DUS2: variants seen among roughly 807,000 people sequenced by gnomAD.
The protein encoded by DUS2 is dihydrouridine synthase 2, also known as tRNA-dihydrouridine(20) synthase [NAD(P)+]-like.
In DUS2, 52 loss-of-function variants were observed where a neutral mutation model predicts 71.3. The observed-to-expected ratio is 0.73, with a 90% CI of 0.58 to 0.92. DUS2 has a LOEUF of 0.92. Ranked by LOEUF, DUS2 falls within the 40% of genes least tolerant of loss-of-function variation. The probability of loss-of-function intolerance (pLI) is 0.00; values close to 1 mark genes in which losing one functional copy is unlikely to be tolerated. For synonymous variants in DUS2, 204 were observed against 227.8 expected (o/e 0.90, Z 0.94); for missense variants, 558 against 622.6 (o/e 0.90, Z 1.10).
At chr16:68,078,674 C>A in intron 16 of DUS2, 75 bp from the exon 17 acceptor site, 1 of 1,528,670 alleles carries the variant, frequency 6.5e-7, no homozygotes. Flanking sequence ...TTGTCAGAAT[C>A]TGCCAAGGAT....
intron 3 of DUS2, 23 bp from the exon 4 acceptor site, chr16:68,049,482 A>G (rs1256650254): frequency 5.6e-6 from 9 of 1,613,698 alleles, no homozygotes; most frequent in Non-Finnish European, 7.6e-6. Context: ...AGGAATGACA[A>G]GCGTCCTCTG....
At chr16:68,050,472 T>TA (rs1476877081) in intron 4 of DUS2, among the ~76,000 whole-genome samples, 2 of 152,138 alleles carry the variant, frequency 1.3e-5, no homozygotes, top group African/African-American at 2.4e-5. Flanking sequence ...TTCTGTGTGA[T>TA]AAAAAATTCA....
At position 68,078,628 on chromosome 16, in the gene DUS2, C is replaced by A. The variant is rs376242413; in HGVS notation, c.1244+110C>A. On this transcript the variant is annotated intron_variant, in intron 16 of 16. Transcript: ENST00000565263. ...GGGTTGGGTAGATGGTATATGTGGGCAGTGGCATCCCTGGATGGTGACCCC... is the reference window on the plus strand; with the variant it reads ...GGGTTGGGTAGATGGTATATGTGGGAAGTGGCATCCCTGGATGGTGACCCC... The A allele has an allele frequency of 1.4e-5, 20 of 1,480,052 alleles. No individual in the cohort carries two copies. In the East Asian group the frequency reaches 2.0e-4, roughly 15 times the overall value. 91.7% of individuals were successfully genotyped at this position (1,480,052 alleles called of 1,614,324 possible). A position where few individuals can be genotyped will look rare whatever the true frequency, so the allele number is the denominator to read the frequency against.
At chr16:68,066,050 TTCAC>T (rs1380558908) in intron 8 of DUS2, among the ~76,000 whole-genome samples, 1 of 152,200 alleles carries the variant, frequency 6.6e-6, no homozygotes, top group Admixed American at 6.5e-5. Flanking sequence ...CGCGTACCCA[TTCAC>T]TCACTCATTC....
intron 7 of DUS2, among the ~76,000 whole-genome samples, chr16:68,057,882 A>C (rs2033884290): frequency 3.5e-4 from 2 of 5,770 alleles, no homozygotes; most frequent in African/African-American, 1.0e-3. Context: ...ATCTGTCTCA[A>C]AAAAAAAAAA....
chr16:68,036,606 T>G (rs923398206), intron 2 of DUS2, among the ~76,000 whole-genome samples: 5 of 151,958 alleles, frequency 3.3e-5, no homozygotes, highest in African/African-American at 1.2e-4. Flanking sequence ...CCCAGCCTAA[T>G]TTTTTATATT....
At chr16:68,066,736 T>G in intron 10 of DUS2, 100 bp downstream of exon 10, 1 of 1,207,142 alleles carries the variant, frequency 8.3e-7, no homozygotes, top group Non-Finnish European at 1.2e-6. Flanking sequence ...CCAATTTCTC[T>G]TCTACATATT....
intron 1 of DUS2, among the ~76,000 whole-genome samples, chr16:68,024,897 T>C (rs2033323296): frequency 6.6e-6 from 1 of 151,436 alleles, no homozygotes; most frequent in Admixed American, 6.6e-5. Context: ...AGTGGTGCGA[T>C]GTCAGCTCAC....
chr16:68,072,779 C>G (rs113941835), intron 12 of DUS2, among the ~76,000 whole-genome samples: 12 of 152,354 alleles, frequency 7.9e-5, no homozygotes, highest in African/African-American at 2.2e-4. Context: ...TGCCCTACCT[C>G]TAGCCAGCCG....
At chr16:68,037,122 T>TA (rs1237463805) in intron 2 of DUS2, among the ~76,000 whole-genome samples, 21 of 147,984 alleles carry the variant, frequency 1.4e-4, no homozygotes, top group Admixed American at 4.7e-4. Context: ...GGTATCTGAG[T>TA]AAAAAAAAAA....
chr16:68,035,941 TACAC>T (rs1417009077), intron 2 of DUS2, among the ~76,000 whole-genome samples: 1 of 137,840 alleles, frequency 7.3e-6, no homozygotes, highest in African/African-American at 2.8e-5. Flanking sequence ...CACACATACA[TACAC>T]ATATATATAC....
At position 68,053,550 on chromosome 16, in the gene DUS2, G is replaced by A. The variant is rs1348500835; in HGVS notation, c.173-14G>A. The A allele has an allele frequency of 3.7e-6, 6 of 1,613,922 alleles. No individual in the cohort carries two copies. The Admixed American group carries it at 1.0e-4, about 27-fold the overall frequency. On this transcript the variant is annotated splice_polypyrimidine_tract_variant and intron_variant, in intron 4 of 16. Transcript: ENST00000565263. ...CTTCATTGAGTGACCCTATGTGTTT[G>A]GGTTTTCTTGCAGAGGTGCTCAGCA...
chr16:68,070,031 A>C, intron 10 of DUS2, 103 bp from the exon 11 acceptor site: 1 of 1,018,380 alleles, frequency 9.8e-7, no homozygotes, highest in East Asian at 2.4e-5. Flanking sequence ...GACCTTCCTG[A>C]GGTTCAGTGG....
chr16:68,059,012 G>A (rs1197041527), intron 7 of DUS2, among the ~76,000 whole-genome samples: 1 of 152,176 alleles, frequency 6.6e-6, no homozygotes, highest in Non-Finnish European at 1.5e-5. Context: ...AGGAGTTCAA[G>A]ACCAGTCTGG....
chr16:68,023,640 A>C, intron 1 of DUS2: 1 of 182,478 alleles, frequency 5.5e-6, no homozygotes, highest in Non-Finnish European at 1.3e-5. Flanking sequence ...GTTTATTGAG[A>C]GTTTGAATGA....
chr16:68,064,085 C>G (rs1332795802), intron 8 of DUS2, among the ~76,000 whole-genome samples: 2 of 152,200 alleles, frequency 1.3e-5, no homozygotes, highest in African/African-American at 2.4e-5. Context: ...CAGTGCTTTC[C>G]AGGCCTATGC....
At chr16:68,043,518 T>C (rs535710502) in intron 3 of DUS2, among the ~76,000 whole-genome samples, 1 of 152,034 alleles carries the variant, frequency 6.6e-6, no homozygotes, top group Non-Finnish European at 1.5e-5. Flanking sequence ...TGATATTTCA[T>C]TGTGGTTTAT....
At chr16:68,066,506 G>A in intron 9 of DUS2, 60 bp from the exon 10 acceptor site, 1 of 1,596,734 alleles carries the variant, frequency 6.3e-7, no homozygotes, top group Non-Finnish European at 8.6e-7. Context: ...CCTACTTTAG[G>A]AGGCAGCAGC....
At chr16:68,074,012 G>A (rs769098107) in intron 12 of DUS2, 22 bp from the exon 13 acceptor site, 8 of 1,613,650 alleles carry the variant, frequency 5.0e-6, no homozygotes, top group East Asian at 4.5e-5. Flanking sequence ...CTGGGCATCA[G>A]GCAAGTCATT....
Sources: gnomAD v4.1 joint callset for allele counts (sites outside exome capture counted in the v4.1 genomes callset) on GRCh38, gnomAD v4.1.1 for gene constraint, MANE v1.5 for transcripts, NCBI Gene and HGNC (gene_info 2026-07-23, HGNC 2026-07-21) for gene names.